Variants in ADRA1A observed in about 807,000 individuals in gnomAD.
The protein encoded by ADRA1A is adrenoceptor alpha 1A, also known as alpha-1A adrenergic receptor.
Under a neutral mutation model 29.6 loss-of-function variants are expected in ADRA1A, and 31 were observed. The ratio of observed to expected loss-of-function variants is 1.05; its 90% CI spans 0.79 to 1.41. The LOEUF (loss-of-function observed/expected upper bound fraction) is 1.41. Among genes scored for constraint, ADRA1A ranks in the 40% most tolerant of loss-of-function variants. ADRA1A has a pLI of 0.00. For missense variants in ADRA1A, 619 were observed against 601.1 expected (o/e 1.03, Z -0.31); for synonymous variants, 311 against 254.3 (o/e 1.22, Z -2.12).
At chr8:26,760,546 A>G (rs1805452782) in intron 2 of ADRA1A, among the ~76,000 whole-genome samples, 1 of 152,202 alleles carries the variant, frequency 6.6e-6, no homozygotes, top group South Asian at 2.1e-4. Flanking sequence ...CAGTCATGAT[A>G]CAGGGCAGAC....
chr8:26,812,729 G>A (rs544672713), intron 2 of ADRA1A, among the ~76,000 whole-genome samples: 185 of 151,444 alleles, frequency 1.2e-3, no homozygotes, highest in Non-Finnish European at 2.3e-3. Context: ...CAGTGGCGCG[G>A]TCTCGGCTCA....
chr8:26,797,975 C>CA (rs151316217), intron 2 of ADRA1A, among the ~76,000 whole-genome samples: 2,370 of 150,986 alleles, frequency 0.016, 59 homozygotes, highest in African/African-American at 0.052. Context: ...TCTGCATCGA[C>CA]AGTAAGTTAG....
intron 2 of ADRA1A, among the ~76,000 whole-genome samples, chr8:26,855,292 T>C (rs1204900414): frequency 6.6e-6 from 1 of 151,954 alleles, no homozygotes; most frequent in African/African-American, 2.4e-5. Flanking sequence ...ATCACATCCG[T>C]TTTTGGAAAA....
chr8:26,845,500 C>T (rs991514805), intron 2 of ADRA1A, among the ~76,000 whole-genome samples: 1 of 152,092 alleles, frequency 6.6e-6, no homozygotes, highest in Admixed American at 6.5e-5. Flanking sequence ...TAAACTGGGG[C>T]GTTTGCTGTG....
At chr8:26,827,373 T>A (rs1484401878) in intron 2 of ADRA1A, among the ~76,000 whole-genome samples, 1 of 152,232 alleles carries the variant, frequency 6.6e-6, no homozygotes, top group Non-Finnish European at 1.5e-5. Context: ...ATGTGATACT[T>A]ACTTAATTTC....
chr8:26,783,080 G>GT (rs1374357312), intron 2 of ADRA1A, among the ~76,000 whole-genome samples: 1 of 152,110 alleles, frequency 6.6e-6, no homozygotes, highest in Non-Finnish European at 1.5e-5. Flanking sequence ...CCTGCTTCTG[G>GT]TCTTATCTGC....
At chr8:26,791,650 G>C (rs551406096) in intron 2 of ADRA1A, among the ~76,000 whole-genome samples, 1 of 152,286 alleles carries the variant, frequency 6.6e-6, no homozygotes, top group South Asian at 2.1e-4. Context: ...GCCTGACCTG[G>C]CCTCTGCCAT....
At chr8:26,748,910 C>A (rs928117119) in intron 2 of ADRA1A, among the ~76,000 whole-genome samples, 59 of 152,112 alleles carry the variant, frequency 3.9e-4, no homozygotes, top group African/African-American at 1.4e-3. Context: ...CGGACTCAAC[C>A]AGAGAGGACC....
intron 2 of ADRA1A, among the ~76,000 whole-genome samples, chr8:26,779,929 A>T (rs778617802): frequency 6.6e-6 from 1 of 152,070 alleles, no homozygotes; most frequent in Non-Finnish European, 1.5e-5. Context: ...TTCCAAGGAG[A>T]TAGGATGGAA....
intron 2 of ADRA1A, among the ~76,000 whole-genome samples, chr8:26,791,849 A>C (rs761657010): frequency 6.6e-6 from 1 of 152,158 alleles, no homozygotes; most frequent in Non-Finnish European, 1.5e-5. Context: ...GCTGGGTGCC[A>C]CAAAGATGCA....
At chr8:26,820,310 G>A (rs1810066892) in intron 2 of ADRA1A, among the ~76,000 whole-genome samples, 2 of 152,080 alleles carry the variant, frequency 1.3e-5, no homozygotes, top group South Asian at 4.1e-4. Context: ...ATTGTAGGTG[G>A]AACATTCTCC....
intron 2 of ADRA1A, among the ~76,000 whole-genome samples, chr8:26,837,198 C>T (rs1035540353): frequency 6.6e-6 from 1 of 151,168 alleles, no homozygotes; most frequent in Admixed American, 6.6e-5. Flanking sequence ...GTGCCTGGAC[C>T]TCTTCAGGCT....
rs1348017336 is a variant in ADRA1A, at chr8:26,806,731, C to CA, written c.884-36066dup. ...GAGTTCGGTCATTACATAAAGCTGC[C>CA]ACATGCCTGGAAGGAGGAAATAGGA... On this transcript the variant is annotated intron_variant, in intron 2 of 2. Coordinates refer to ENST00000380573, the MANE Select transcript of ADRA1A (RefSeq NM_000680.4). The surrounding 1 kb of genome is among the most constrained non-coding windows in gnomAD (Gnocchi z 4.6). 2.6e-5 allele frequency among the ~76,000 whole-genome samples: 4 copies of CA among 152,164 alleles called. No homozygotes were observed. The highest frequency in any genetic ancestry group is 9.7e-5 in the African/African-American group (4 of 41,446).
In ADRA1A at chr8:26,866,872, G is replaced by C; in HGVS notation, c.-687+64C>G. 3.0e-6 allele frequency: 3 copies of C among 985,490 alleles called. No individual in the cohort carries two copies. The highest frequency in any genetic ancestry group is 3.6e-6 in the Non-Finnish European group (3 of 830,032). 61.0% of individuals were successfully genotyped at this position (985,490 alleles called of 1,614,324 possible). A position where few individuals can be genotyped will look rare whatever the true frequency, so the allele number is the denominator to read the frequency against. ...GAAAAGTGGGGGTTCCGTCTCACCA[G>C]ACGGCGGGGGAGGTCTGCCCTCACC... is the stretch of plus-strand genomic sequence containing the variant. On this transcript the variant is annotated intron_variant, in intron 1 of 2. Coordinates refer to ENST00000380573, the MANE Select transcript of ADRA1A (RefSeq NM_000680.4). This position sits in a 1 kb window ranked among gnomAD's most constrained non-coding sequence, Gnocchi z 5.7.
At chr8:26,799,299 T>C (rs1808406026) in intron 2 of ADRA1A, among the ~76,000 whole-genome samples, 2 of 152,296 alleles carry the variant, frequency 1.3e-5, no homozygotes, top group African/African-American at 4.8e-5. Context: ...ATTTTCTAAA[T>C]TGTGGCACAG....
At chr8:26,772,640 C>T (rs1019359662) in intron 2 of ADRA1A, among the ~76,000 whole-genome samples, 32 of 152,202 alleles carry the variant, frequency 2.1e-4, no homozygotes, top group African/African-American at 7.7e-4. Flanking sequence ...CTTTTCCTCT[C>T]TGCTCTGTGG....
chr8:26,849,225 C>T (rs538393035), intron 2 of ADRA1A, among the ~76,000 whole-genome samples: 11 of 152,320 alleles, frequency 7.2e-5, no homozygotes, highest in East Asian at 3.9e-4. Context: ...ACGGGAAAGA[C>T]GGAATGGCTC....
In ADRA1A at chr8:26,842,548, C is replaced by G. The variant is rs181125788; in HGVS notation, c.883+21539G>C. 5.9e-5 allele frequency among the ~76,000 whole-genome samples: 9 copies of G among 152,242 alleles called. No individual in the cohort carries two copies. The East Asian group carries it at 1.6e-3, about 26-fold the overall frequency. On this transcript the variant is annotated intron_variant, in intron 2 of 2. Transcript: ENST00000380573. ...TCTCTCCCCGACCTTCTGTATTTTA[C>G]TGCCACACCCCTGAGCAGGTCCTCA... is the stretch of plus-strand genomic sequence containing the variant.
At position 26,769,609 on chromosome 8, in the gene ADRA1A, G is replaced by A. The variant is rs946163144; in HGVS notation, c.*540C>T. 9 of 985,452 alleles carry A rather than the reference G, an allele frequency of 9.1e-6. No individual in the cohort carries two copies. Among genetic ancestry groups the A allele is most frequent in the East Asian group, 2.3e-4 (2 of 8,822 alleles). The allele number at this position is 985,452 out of a possible 1,614,324, so 61.0% of individuals were successfully genotyped here. Reference sequence around the variant, plus strand: ...TTTCCCTCAAGCTGAGAAATTGGATGTATCAGAAAGGGTGGAGTTTCAGGA... The same window carrying A: ...TTTCCCTCAAGCTGAGAAATTGGATATATCAGAAAGGGTGGAGTTTCAGGA... On this transcript the variant is annotated 3_prime_UTR_variant, in exon 3 of 3. Transcript: ENST00000380573.
Sources: allele counts gnomAD v4.1 joint callset (sites outside exome capture counted in the v4.1 genomes callset), GRCh38; gene constraint gnomAD v4.1.1; non-coding constraint Gnocchi (gnomAD v3.1); transcripts MANE v1.5; gene names NCBI Gene and HGNC (gene_info 2026-07-23, HGNC 2026-07-21).